KANK1: variants seen among roughly 807,000 people sequenced by gnomAD.
KANK1 encodes KN motif and ankyrin repeat domains 1.
In KANK1, 109 loss-of-function variants were observed where a neutral mutation model predicts 106.2. That is an observed-to-expected ratio of 1.03 (90% CI 0.88 to 1.20). The LOEUF is 1.20. KANK1 is among the 50% of genes most tolerant of loss of function. The probability of loss-of-function intolerance (pLI) is 0.00; values close to 1 mark genes in which losing one functional copy is unlikely to be tolerated. For missense variants in KANK1, 2,399 were observed against 1,710.7 expected (o/e 1.40, Z -7.10); for synonymous variants, 873 against 652.2 (o/e 1.34, Z -5.16).
At chr9:588,369 T>C (rs1036380670) in intron 1 of KANK1, among the ~76,000 whole-genome samples, 3 of 152,234 alleles carry the variant, frequency 2.0e-5, no homozygotes, top group Non-Finnish European at 4.4e-5. Flanking sequence ...ACATCTGTCA[T>C]GCACATCTAT....
chr9:598,429 G>T (rs1160000470), intron 1 of KANK1, among the ~76,000 whole-genome samples: 2 of 151,194 alleles, frequency 1.3e-5, no homozygotes, highest in Non-Finnish European at 2.9e-5. Flanking sequence ...GGAGTACATT[G>T]AATCTGCAGA....
At chr9:686,470 G>A (rs1199567013) in intron 2 of KANK1, among the ~76,000 whole-genome samples, 1 of 152,156 alleles carries the variant, frequency 6.6e-6, no homozygotes, top group African/African-American at 2.4e-5. Context: ...TCAGCCTGAT[G>A]ATACACTGAT....
rs1831505393 is a variant in KANK1, at chr9:729,047, C to G, written c.2699-1004C>G. Among the ~76,000 whole-genome samples the G allele has an allele frequency of 1.3e-5, 2 of 152,234 alleles. 1 individual carries two copies. Among genetic ancestry groups the G allele is most frequent in the Admixed American group, 1.3e-4 (2 of 15,278 alleles). On this transcript the variant is annotated intron_variant, in intron 3 of 11. Coordinates refer to ENST00000382297, the MANE Select transcript of KANK1 (RefSeq NM_015158.5). The stretch of plus-strand genomic sequence containing the variant: ...GTGCTTTTGGCCTTGGTCATTCATA[C>G]TTGGCTCAGAGTAAACCTCTTTTTT...
chr9:579,928 G>A (rs1821594634), intron 1 of KANK1, among the ~76,000 whole-genome samples: 1 of 152,132 alleles, frequency 6.6e-6, no homozygotes, highest in Admixed American at 6.5e-5. Context: ...ACCCCATGAG[G>A]CTTCATGACT....
intron 3 of KANK1, among the ~76,000 whole-genome samples, chr9:714,540 T>C (rs12685176): frequency 0.028 from 4,297 of 151,990 alleles, 223 homozygotes; most frequent in East Asian, 0.21. Context: ...TGTATTTTAG[T>C]AGAGATAGGG....
chr9:548,357 T>C (rs2061060928), intron 1 of KANK1, among the ~76,000 whole-genome samples: 1 of 152,182 alleles, frequency 6.6e-6, no homozygotes, highest in Non-Finnish European at 1.5e-5. Flanking sequence ...TCCTGAAGGT[T>C]TGTCAGTGAG....
At chr9:703,950 G>T (rs559278101) in intron 2 of KANK1, among the ~76,000 whole-genome samples, 1 of 152,282 alleles carries the variant, frequency 6.6e-6, no homozygotes, top group South Asian at 2.1e-4. Flanking sequence ...CTGACCTCAG[G>T]CAATCTGCCC....
chr9:721,418 A>G (rs1172547431), intron 3 of KANK1, among the ~76,000 whole-genome samples: 1 of 152,180 alleles, frequency 6.6e-6, no homozygotes, highest in Admixed American at 6.5e-5. Flanking sequence ...AATGTAAAAG[A>G]AAAAGGGGGG....
At chr9:544,325 G>A (rs1453873948) in intron 1 of KANK1, among the ~76,000 whole-genome samples, 1 of 152,064 alleles carries the variant, frequency 6.6e-6, no homozygotes, top group African/African-American at 2.4e-5. Context: ...ACCTGGCCCT[G>A]TTAACTTCTT....
At position 671,623 on chromosome 9, in the gene KANK1, A is replaced by AAAAAAGAAAAAAAAAAAG. The variant is rs79437342; in HGVS notation, c.-83-5263_-83-5262insAGAAAAAAAAAAAGAAAA. Among the ~76,000 whole-genome samples the AAAAAAGAAAAAAAAAAAG allele has an allele frequency of 1.6e-4, 17 of 103,624 alleles. 1 individual carries two copies. Among genetic ancestry groups the AAAAAAGAAAAAAAAAAAG allele is most frequent in the South Asian group, 8.9e-4 (3 of 3,382 alleles). 68.0% of individuals were successfully genotyped at this position (103,624 alleles called of 152,430 possible). A position where few individuals can be genotyped will look rare whatever the true frequency, so the allele number is the denominator to read the frequency against. ...AGAGCGAAACTCCGTCTCAAAAAAA[A>AAAAAAGAAAAAAAAAAAG]AAAAGAGTGTACTGGTTAAGTACTG... On this transcript the variant is annotated intron_variant, in intron 1 of 11. Transcript: ENST00000382297.
chr9:711,778 G>T lies in KANK1; in HGVS notation c.1012G>T (p.Ala338Ser), dbSNP rs1190089437. 1.2e-6 allele frequency: 2 copies of T among 1,614,186 alleles called. No homozygotes were observed. ...CTCCCAGCTGGAACAGCTCTCCCGG[G>T]CCCGAAGAAGTGGCGGGGAATTATA... is the stretch of plus-strand genomic sequence containing the variant. ...NASQLEQLSRARRSGGELYID... is the reference protein window; with the variant it reads ...NASQLEQLSRSRRSGGELYID... Residue 338 changes from alanine (A) to serine (S), a missense_variant, in exon 3 of 12, where the codon GCC becomes TCC. Ala to Ser is a moderately conservative substitution (Grantham distance 99). Coordinates refer to ENST00000382297, the MANE Select transcript of KANK1 (RefSeq NM_015158.5).
intron 1 of KANK1, among the ~76,000 whole-genome samples, chr9:521,565 C>CTTTTT (rs35143391): frequency 2.5e-5 from 3 of 118,798 alleles, no homozygotes; most frequent in Non-Finnish European, 3.4e-5. Context: ...CCTCCAGATT[C>CTTTTT]TTTTTTTTTT....
chr9:634,775 G>T (rs1459188439), intron 1 of KANK1, among the ~76,000 whole-genome samples: 1 of 152,198 alleles, frequency 6.6e-6, no homozygotes, highest in African/African-American at 2.4e-5. Context: ...GTTGAACCAT[G>T]CTAGATTTCT....
At chr9:578,156 C>T (rs564264903) in intron 1 of KANK1, among the ~76,000 whole-genome samples, 2 of 152,266 alleles carry the variant, frequency 1.3e-5, no homozygotes, top group African/African-American at 2.4e-5. Flanking sequence ...ATGAGGACTC[C>T]TCAGAAAATT....
At chr9:482,850 T>TAAAC (rs4024577) in intron 3 of KANK1, among the ~76,000 whole-genome samples, 50,721 of 151,830 alleles carry the variant, frequency 0.33, 13,077 homozygotes, top group African/African-American at 0.72. Flanking sequence ...ATTCCAGAAA[T>TAAAC]AATTCATAAA....
chr9:509,106 A>AT (rs574481186), intron 1 of KANK1, among the ~76,000 whole-genome samples: 23 of 149,550 alleles, frequency 1.5e-4, no homozygotes, highest in South Asian at 4.2e-4. Context: ...CCTATTTATT[A>AT]TTTTTTTTTT....
intron 3 of KANK1, among the ~76,000 whole-genome samples, chr9:496,637 CATTTT>C (rs1420343485): frequency 6.6e-6 from 1 of 152,076 alleles, no homozygotes; most frequent in Non-Finnish European, 1.5e-5. Context: ...GTTATAACAA[CATTTT>C]ATATGTCTCT....
At chr9:571,845 T>C (rs1037970075) in intron 1 of KANK1, among the ~76,000 whole-genome samples, 2 of 152,094 alleles carry the variant, frequency 1.3e-5, no homozygotes, top group South Asian at 4.1e-4. Flanking sequence ...AAAATATGGG[T>C]TTATAGGAAA....
At chr9:498,903 C>T (rs1393134210) in intron 3 of KANK1, among the ~76,000 whole-genome samples, 3 of 152,054 alleles carry the variant, frequency 2.0e-5, no homozygotes, top group Non-Finnish European at 4.4e-5. Flanking sequence ...GTTGGCTGGG[C>T]GAGGTGGCTC....
Sources: gnomAD v4.1 joint callset for allele counts (sites outside exome capture counted in the v4.1 genomes callset) on GRCh38, gnomAD v4.1.1 for gene constraint, MANE v1.5 for transcripts, NCBI Gene and HGNC (gene_info 2026-07-23, HGNC 2026-07-21) for gene names.